Variants in RPS6KC1 observed in about 807,000 individuals in gnomAD.
The protein encoded by RPS6KC1 is inactive ribosomal protein S6 kinase delta-1.
RPS6KC1 carries 54 observed loss-of-function variants against 103.8 expected under a neutral mutation model. The ratio of observed to expected loss-of-function variants is 0.52; its 90% CI spans 0.42 to 0.65. RPS6KC1 has a LOEUF of 0.65. RPS6KC1 is among the 30% of genes least tolerant of loss of function. The pLI, the probability that RPS6KC1 is intolerant of heterozygous loss-of-function variation, is 0.00. For synonymous variants in RPS6KC1, 439 were observed against 438.7 expected (o/e 1.00, Z -0.01); for missense variants, 1,151 against 1,253.8 (o/e 0.92, Z 1.24).
At chr1:213,357,070 C>T in the RPS6KC1 span, among the ~76,000 whole-genome samples, 1 of 152,264 alleles carries the variant, frequency 6.6e-6, no homozygotes, top group African/African-American at 2.4e-5. Context: ...GATCACCTCC[C>T]TCCAATTTTC....
At chr1:213,197,084 G>A (rs1157749112) in intron 8 of RPS6KC1, among the ~76,000 whole-genome samples, 1 of 152,054 alleles carries the variant, frequency 6.6e-6, no homozygotes, top group Non-Finnish European at 1.5e-5. Flanking sequence ...CGATCCACCC[G>A]CCTCAGCCTC....
chr1:213,079,231 A>G (rs958879995), intron 3 of RPS6KC1, among the ~76,000 whole-genome samples: 1 of 152,064 alleles, frequency 6.6e-6, no homozygotes, highest in African/African-American at 2.4e-5. Flanking sequence ...TTTTGCTGTT[A>G]CAAATAACAC....
chr1:213,110,002 G>A (rs1399582691), intron 4 of RPS6KC1, among the ~76,000 whole-genome samples: 1 of 152,100 alleles, frequency 6.6e-6, no homozygotes, highest in East Asian at 1.9e-4. Flanking sequence ...CCATTCATTA[G>A]TTGATAGACA....
At chr1:213,534,480 G>T in the RPS6KC1 span, among the ~76,000 whole-genome samples, 2 of 152,128 alleles carry the variant, frequency 1.3e-5, no homozygotes, top group Non-Finnish European at 2.9e-5. Flanking sequence ...AGATAGAGTA[G>T]AAAAAGGAGC....
At chr1:213,120,870 T>G (rs1303581691) in intron 5 of RPS6KC1, among the ~76,000 whole-genome samples, 1 of 152,136 alleles carries the variant, frequency 6.6e-6, no homozygotes, top group Admixed American at 6.5e-5. Context: ...GATCATTATT[T>G]TTGTTAATAT....
At chr1:213,253,077 C>T (rs1357137932) in intron 12 of RPS6KC1, among the ~76,000 whole-genome samples, 4 of 152,138 alleles carry the variant, frequency 2.6e-5, no homozygotes, top group African/African-American at 9.7e-5. Context: ...TTCTAAATTA[C>T]AATAGAATTT....
At chr1:213,781,934 A>G in the RPS6KC1 span, among the ~76,000 whole-genome samples, 2 of 152,166 alleles carry the variant, frequency 1.3e-5, no homozygotes, top group African/African-American at 4.8e-5. Flanking sequence ...CTGTGTTTCC[A>G]TTTATCACCT....
chr1:213,521,319 T>A, the RPS6KC1 span, among the ~76,000 whole-genome samples: 3 of 152,348 alleles, frequency 2.0e-5, no homozygotes, highest in East Asian at 3.9e-4. Context: ...AATAGCATTG[T>A]CTAAAAATGC....
At chr1:213,423,080 G>A in the RPS6KC1 span, among the ~76,000 whole-genome samples, 1 of 152,212 alleles carries the variant, frequency 6.6e-6, no homozygotes, top group Non-Finnish European at 1.5e-5. Context: ...TACTTCATGT[G>A]TATCTTCTTG....
the RPS6KC1 span, among the ~76,000 whole-genome samples, chr1:213,343,405 A>ACACATG: frequency 5.2e-5 from 1 of 19,054 alleles, no homozygotes; most frequent in Non-Finnish European, 1.4e-4. Context: ...ATATATATAT[A>ACACATG]TATATATATA....
chr1:213,516,951 C>T, the RPS6KC1 span, among the ~76,000 whole-genome samples: 312 of 152,250 alleles, frequency 2.0e-3, no homozygotes, highest in Non-Finnish European at 2.6e-3. Flanking sequence ...CTGGTTTAGT[C>T]TTGGGAGGGT....
intron 3 of RPS6KC1, among the ~76,000 whole-genome samples, chr1:213,095,720 T>C (rs1365768439): frequency 6.6e-6 from 1 of 152,190 alleles, no homozygotes; most frequent in Non-Finnish European, 1.5e-5. Context: ...CATATAAAAG[T>C]TGTGTTTATA....
the RPS6KC1 span, among the ~76,000 whole-genome samples, chr1:213,730,537 C>T: frequency 1.2e-4 from 19 of 152,160 alleles, no homozygotes; most frequent in South Asian, 2.5e-3. Context: ...TTGAGCTTTT[C>T]GTCACATGAT....
At chr1:213,808,188 T>TG in the RPS6KC1 span, among the ~76,000 whole-genome samples, 2 of 151,860 alleles carry the variant, frequency 1.3e-5, no homozygotes, top group Admixed American at 6.5e-5. Context: ...CTGCCCCTAC[T>TG]GGGGGGGTGC....
the RPS6KC1 span, among the ~76,000 whole-genome samples, chr1:213,471,640 G>A: frequency 6.6e-6 from 1 of 152,058 alleles, no homozygotes. Context: ...ATATAGTTGG[G>A]GTGGGAATGA....
intron 1 of RPS6KC1, among the ~76,000 whole-genome samples, chr1:213,059,102 T>C (rs1558234463): frequency 6.6e-6 from 1 of 152,236 alleles, no homozygotes; most frequent in Non-Finnish European, 1.5e-5. Context: ...TGTCTTTATA[T>C]CACGTGACTT....
intron 8 of RPS6KC1, among the ~76,000 whole-genome samples, chr1:213,176,971 G>A (rs1418875190): frequency 1.3e-5 from 2 of 152,166 alleles, no homozygotes; most frequent in African/African-American, 2.4e-5. Context: ...GAAAAGTGAT[G>A]TTTAGAGCAG....
At chr1:213,086,307 C>T (rs1168041522) in intron 3 of RPS6KC1, among the ~76,000 whole-genome samples, 1 of 152,202 alleles carries the variant, frequency 6.6e-6, no homozygotes, top group Non-Finnish European at 1.5e-5. Flanking sequence ...GCCTGCGGCT[C>T]CTTGCCTTTC....
At chr1:213,589,405 C>T in the RPS6KC1 span, among the ~76,000 whole-genome samples, 168 of 152,072 alleles carry the variant, frequency 1.1e-3, no homozygotes, top group African/African-American at 3.9e-3. Context: ...TTTGGGAGGC[C>T]GAGGTGGGAA....
Sources: allele counts gnomAD v4.1 joint callset (sites outside exome capture counted in the v4.1 genomes callset), GRCh38; gene constraint gnomAD v4.1.1; transcripts MANE v1.5; gene names NCBI Gene and HGNC (gene_info 2026-07-23, HGNC 2026-07-21).